The following SIAE variants were observed in gnomAD, a reference collection of about 807,000 sequenced individuals.
SIAE encodes the protein sialic acid acetylesterase.
SIAE carries 39 observed loss-of-function variants against 52.6 expected under a neutral mutation model. The observed-to-expected ratio is 0.74, with a 90% CI of 0.57 to 0.97. The LOEUF (loss-of-function observed/expected upper bound fraction) is 0.97. SIAE is among the 50% of genes least tolerant of loss of function. The pLI is 0.00. For synonymous variants in SIAE, 233 were observed against 241.4 expected (o/e 0.97, Z 0.32); for missense variants, 592 against 662.1 (o/e 0.89, Z 1.16).
At position 124,639,830 on chromosome 11, in the gene SIAE, C is replaced by T; in HGVS notation, c.1004G>A (p.Gly335Glu). The T allele has an allele frequency of 6.2e-7, 1 of 1,614,192 alleles. No homozygotes were observed. The highest frequency in any genetic ancestry group is 8.5e-7 in the Non-Finnish European group (1 of 1,180,030). The change falls in exon 8 of 10, where the codon GGA becomes GAA. Residue 335 changes from glycine to glutamate, a missense_variant. By Grantham distance (98) the Gly-to-Glu change is moderately conservative. Coordinates refer to ENST00000263593, the MANE Select transcript of SIAE (RefSeq NM_170601.5). ...TTGATGCCAACGGATCTGGGGAAATCCATCGTCTGAGCTCTTCTTAGACAA... is the reference window on the plus strand; with the variant it reads ...TTGATGCCAACGGATCTGGGGAAATTCATCGTCTGAGCTCTTCTTAGACAA... ...SDLSKKSSDD[G>E]FPQIRWHQTA...
upstream of SIAE, chr11:124,674,341 C>T (rs1415813586): frequency 1.3e-5 from 2 of 152,128 alleles, no homozygotes; most frequent in African/African-American, 4.8e-5. Flanking sequence ...AGTTCGAGGC[C>T]AGAGACCCCC....
At chr11:124,650,383 CTT>C (rs1943000649) in intron 4 of SIAE, among the ~76,000 whole-genome samples, 1 of 152,112 alleles carries the variant, frequency 6.6e-6, no homozygotes, top group Admixed American at 6.5e-5. Context: ...CTCATTCCCA[CTT>C]AGCTCTGTGG....
intron 1 of SIAE, among the ~76,000 whole-genome samples, chr11:124,672,350 T>C (rs1168864619): frequency 6.6e-6 from 1 of 152,204 alleles, no homozygotes; most frequent in African/African-American, 2.4e-5. Context: ...GCAGGCTCAA[T>C]AGACTGGCAA....
In SIAE at chr11:124,647,498, C is replaced by T. The variant is rs1294845937; in HGVS notation, c.833G>A (p.Gly278Glu). Residue 278 changes from glycine to glutamate, a missense_variant and splice_region_variant, in exon 7 of 10, where the codon GGG becomes GAG. By Grantham distance (98) the Gly-to-Glu change is moderately conservative. Coordinates refer to ENST00000263593, the MANE Select transcript of SIAE (RefSeq NM_170601.5). ...MTLKGVVWYQ[G>E]ESNINYNTDL... ...CGTGTTATAATTTATATTGGACTCC[C>T]CTAAAAACAGTCCAAATTGTAAAGG... The T allele has an allele frequency of 1.2e-6, 2 of 1,613,876 alleles. No homozygotes were observed. Among genetic ancestry groups the T allele is most frequent in the Non-Finnish European group, 1.7e-6 (2 of 1,180,000 alleles).
intron 2 of SIAE, among the ~76,000 whole-genome samples, chr11:124,664,237 C>CTT (rs199814380): frequency 3.0e-4 from 41 of 138,950 alleles, no homozygotes; most frequent in African/African-American, 3.8e-4. Context: ...TAGCCTATTT[C>CTT]TTTTTTTTTT....
rs765341974 is a variant in SIAE at position 124,673,611 on chromosome 11, G to A, written c.67+31C>T. ...TCTCGGAGCCCGCACAGGCTGAGGG[G>A]CAGGGGTCCGGCCGAGCCGGGCCGC... On this transcript the variant is annotated intron_variant, in intron 1 of 9. Coordinates refer to ENST00000263593, the MANE Select transcript of SIAE (RefSeq NM_170601.5). 18 of 1,608,166 alleles carry A rather than the reference G, an allele frequency of 1.1e-5. 1 individual carries two copies. Among genetic ancestry groups the A allele is most frequent in the South Asian group, 1.1e-4 (10 of 90,254 alleles).
chr11:124,664,670 T>C (rs1943247150), intron 2 of SIAE, among the ~76,000 whole-genome samples: 1 of 152,156 alleles, frequency 6.6e-6, no homozygotes, highest in South Asian at 2.1e-4. Flanking sequence ...AAACAATCAA[T>C]GGAAAAAATG....
chr11:124,654,124 G>C lies in SIAE; in HGVS notation c.544+531C>G, dbSNP rs183546534. ...CCCAGGAGGCGGAGGTTGCAGGTGAGCCAAGATCACACCACTGCATTCCAG... is the reference window on the plus strand; with the variant it reads ...CCCAGGAGGCGGAGGTTGCAGGTGACCCAAGATCACACCACTGCATTCCAG... On this transcript the variant is annotated intron_variant, in intron 4 of 9. Coordinates refer to ENST00000263593, the MANE Select transcript of SIAE (RefSeq NM_170601.5). 16 of 726,850 alleles carry C rather than the reference G, an allele frequency of 2.2e-5. No individual in the cohort carries two copies. The East Asian group carries it at 9.3e-4, about 42-fold the overall frequency. 45.0% of individuals were successfully genotyped at this position (726,850 alleles called of 1,614,324 possible). A position where few individuals can be genotyped will look rare whatever the true frequency, so the allele number is the denominator to read the frequency against.
At chr11:124,662,928 T>C (rs904988163) in intron 2 of SIAE, among the ~76,000 whole-genome samples, 1 of 150,416 alleles carries the variant, frequency 6.6e-6, no homozygotes, top group African/African-American at 2.4e-5. Flanking sequence ...GTGGATCACC[T>C]GAGGTCAGGA....
In SIAE at chr11:124,634,774, CA is replaced by C. The variant is rs1194654200; in HGVS notation, c.*2176del. ...AATTATTTTGGTAAAGTAAGTAAGT[CA>C]AAAACACAGATTACAAAATAATATG... On this transcript the variant is annotated 3_prime_UTR_variant, in exon 10 of 10. Coordinates refer to ENST00000263593, the MANE Select transcript of SIAE (RefSeq NM_170601.5). 2 of 152,084 alleles carry C rather than the reference CA, an allele frequency of 1.3e-5. No homozygotes were observed. Among genetic ancestry groups the C allele is most frequent in the South Asian group, 2.1e-4 (1 of 4,816 alleles). 9.4% of individuals were successfully genotyped at this position (152,084 alleles called of 1,614,324 possible).
At chr11:124,661,715 T>A (rs959402270) in intron 2 of SIAE, among the ~76,000 whole-genome samples, 1 of 151,928 alleles carries the variant, frequency 6.6e-6, no homozygotes, top group African/African-American at 2.4e-5. Flanking sequence ...AGAAAAAAAA[T>A]GGGAAATTAA....
chr11:124,659,814 T>C (rs959680584), intron 3 of SIAE: 10 of 152,052 alleles, frequency 6.6e-5, no homozygotes, highest in African/African-American at 2.4e-4. Context: ...CATTATTTAG[T>C]AGAAGACTAC....
At chr11:124,643,636 G>T (rs141279920) in intron 7 of SIAE, among the ~76,000 whole-genome samples, 3 of 152,130 alleles carry the variant, frequency 2.0e-5, no homozygotes, top group East Asian at 3.9e-4. Context: ...GGCTCCCAGA[G>T]AAAAAAATCT....
In SIAE at chr11:124,651,702, C is replaced by T. The variant is rs539244610; in HGVS notation, c.545-1906G>A. ...AAGGCCTAATAAACACTGACCTCCC[C>T]GCCCCGCACCGTGCTTCCACGACAC... On this transcript the variant is annotated intron_variant, in intron 4 of 9. Transcript: ENST00000263593. 2.6e-5 allele frequency among the ~76,000 whole-genome samples: 4 copies of T among 152,324 alleles called. No homozygotes were observed. In the South Asian group the frequency reaches 8.3e-4, roughly 32 times the overall value.
intron 4 of SIAE, among the ~76,000 whole-genome samples, chr11:124,651,987 C>G (rs777780765): frequency 1.3e-5 from 2 of 152,092 alleles, no homozygotes; most frequent in African/African-American, 4.8e-5. Flanking sequence ...ACAGACAGAG[C>G]TGGCACTCAA....
At chr11:124,673,528 G>A (rs1249460336) in intron 1 of SIAE, 114 bp downstream of exon 1, 3 of 1,283,506 alleles carry the variant, frequency 2.3e-6, no homozygotes, top group Non-Finnish European at 3.3e-6. Context: ...GCCTAGCTAG[G>A]TTCCTTCGTC....
chr11:124,651,794 C>T, intron 4 of SIAE, among the ~76,000 whole-genome samples: 1 of 152,190 alleles, frequency 6.6e-6, no homozygotes, highest in South Asian at 2.1e-4. Context: ...TAGCTCACTA[C>T]ACTATTAGCA....
intron 3 of SIAE, among the ~76,000 whole-genome samples, chr11:124,658,240 GCACACA>G (rs10643725): frequency 6.9e-6 from 1 of 145,176 alleles, no homozygotes; most frequent in Non-Finnish European, 1.5e-5. Context: ...GTGTGTCTGT[GCACACA>G]CACACACACA....
Position 124,641,381 on chromosome 11 carries a change from G to A in SIAE, c.967-1514C>T, listed in dbSNP as rs1591383920. Among the ~76,000 whole-genome samples the A allele has an allele frequency of 2.0e-5, 3 of 152,194 alleles. No homozygotes were observed. The South Asian group carries it at 6.2e-4, about 31-fold the overall frequency. On this transcript the variant is annotated intron_variant, in intron 7 of 9. Coordinates refer to ENST00000263593, the MANE Select transcript of SIAE (RefSeq NM_170601.5). ...GGAGGAGAATGGTCGTTCTGAGAGA[G>A]GGGCAATCCAGGTGGACTGGAGGAT...
Sources: gnomAD v4.1 joint callset for allele counts (sites outside exome capture counted in the v4.1 genomes callset) on GRCh38, gnomAD v4.1.1 for gene constraint, MANE v1.5 for transcripts, NCBI Gene and HGNC (gene_info 2026-07-23, HGNC 2026-07-21) for gene names.